Variants in MOB3B observed in about 807,000 individuals in gnomAD.
MOB3B encodes the protein MOB kinase activator-like 2B.
Under a neutral mutation model 18.7 loss-of-function variants are expected in MOB3B, and 7 were observed. That is an observed-to-expected ratio of 0.37 (90% CI 0.21 to 0.70). MOB3B has a LOEUF of 0.70. MOB3B is among the 30% of genes least tolerant of loss of function. MOB3B has a pLI of 0.52. For synonymous variants in MOB3B, 111 were observed against 99.9 expected (o/e 1.11, Z -0.66); for missense variants, 253 against 281.3 (o/e 0.90, Z 0.72).
At chr9:27,376,036 G>A (rs929609982) in intron 2 of MOB3B, among the ~76,000 whole-genome samples, 1 of 152,118 alleles carries the variant, frequency 6.6e-6, no homozygotes, top group African/African-American at 2.4e-5. Flanking sequence ...ATATTTTGTT[G>A]TGTTATCTTC....
At chr9:27,396,075 C>G (rs1370320661) in intron 2 of MOB3B, among the ~76,000 whole-genome samples, 1 of 152,026 alleles carries the variant, frequency 6.6e-6, no homozygotes, top group Non-Finnish European at 1.5e-5. Context: ...GGGGAGGGCT[C>G]TAAAAATGCT....
intron 2 of MOB3B, among the ~76,000 whole-genome samples, chr9:27,445,632 G>A (rs536900164): frequency 1.2e-4 from 19 of 152,226 alleles, no homozygotes; most frequent in Admixed American, 7.2e-4. Flanking sequence ...GCCATAATAG[G>A]TAAGTCCGCA....
At chr9:27,459,559 T>C (rs575075628) in intron 1 of MOB3B, among the ~76,000 whole-genome samples, 1 of 152,286 alleles carries the variant, frequency 6.6e-6, no homozygotes, top group African/African-American at 2.4e-5. Context: ...CAAACTTCCA[T>C]TTATTGTTTT....
At position 27,325,939 on chromosome 9, in the gene MOB3B, T is replaced by C. The variant is rs1397870182; in HGVS notation, c.*4648A>G. On this transcript the variant is annotated 3_prime_UTR_variant, in exon 4 of 4. Transcript: ENST00000262244. Reference sequence around the variant, plus strand: ...GCACAAAAAGATAAGTGTAATTCTATTCAAGTCCCTTAATGTTTTGCCAAT... The same window carrying C: ...GCACAAAAAGATAAGTGTAATTCTACTCAAGTCCCTTAATGTTTTGCCAAT... 6.6e-6 allele frequency: 1 copy of C among 151,332 alleles called. No homozygotes were observed. Among genetic ancestry groups the C allele is most frequent in the African/African-American group, 2.4e-5 (1 of 41,208 alleles). 9.4% of individuals were successfully genotyped at this position (151,332 alleles called of 1,614,324 possible).
intron 2 of MOB3B, among the ~76,000 whole-genome samples, chr9:27,393,936 A>T (rs760558481): frequency 6.6e-6 from 1 of 152,212 alleles, no homozygotes; most frequent in Non-Finnish European, 1.5e-5. Flanking sequence ...TTGAACACTC[A>T]TGAGTGTTCA....
intron 1 of MOB3B, among the ~76,000 whole-genome samples, chr9:27,492,478 CGAA>C (rs1563882129): frequency 6.6e-6 from 1 of 152,164 alleles, no homozygotes; most frequent in Non-Finnish European, 1.5e-5. Flanking sequence ...AGTCTGCCAG[CGAA>C]ATGCTGCCCA....
At chr9:27,358,800 A>T in intron 3 of MOB3B, 2 of 720,952 alleles carry the variant, frequency 2.8e-6, no homozygotes, top group South Asian at 1.4e-5. Flanking sequence ...AAACTATTAT[A>T]TTCCCACAAC....
chr9:27,411,931 G>A (rs1241285258), intron 2 of MOB3B, among the ~76,000 whole-genome samples: 1 of 152,022 alleles, frequency 6.6e-6, no homozygotes, highest in Non-Finnish European at 1.5e-5. Context: ...GGGAGGAAGG[G>A]GCATGTGAGA....
chr9:27,406,153 TA>T (rs1231007667), intron 2 of MOB3B, among the ~76,000 whole-genome samples: 4 of 152,210 alleles, frequency 2.6e-5, no homozygotes, highest in Non-Finnish European at 5.9e-5. Flanking sequence ...GTGCAGATGC[TA>T]TGATCTTATA....
chr9:27,423,370 A>C (rs969499990), intron 2 of MOB3B, among the ~76,000 whole-genome samples: 3 of 150,696 alleles, frequency 2.0e-5, no homozygotes, highest in African/African-American at 7.3e-5. Context: ...TGGCCCCCAT[A>C]CATGACTTTT....
chr9:27,481,425 G>C (rs1819647018), intron 1 of MOB3B, among the ~76,000 whole-genome samples: 1 of 151,630 alleles, frequency 6.6e-6, no homozygotes, highest in African/African-American at 2.4e-5. Flanking sequence ...TGTCTCCTCA[G>C]GGTCAGGGAG....
intron 2 of MOB3B, among the ~76,000 whole-genome samples, chr9:27,372,111 T>A (rs764820767): frequency 2.0e-4 from 31 of 152,206 alleles, no homozygotes; most frequent in Admixed American, 6.5e-4. Flanking sequence ...TCAGGGCCCC[T>A]TGGAGAAAAT....
intron 1 of MOB3B, among the ~76,000 whole-genome samples, chr9:27,469,791 C>T (rs1047711483): frequency 6.6e-6 from 1 of 152,066 alleles, no homozygotes; most frequent in Admixed American, 6.6e-5. Context: ...AAAACTTCCC[C>T]CCTCCCTTTT....
intron 3 of MOB3B, among the ~76,000 whole-genome samples, chr9:27,347,519 G>T (rs1162357707): frequency 6.6e-6 from 1 of 152,252 alleles, no homozygotes; most frequent in East Asian, 1.9e-4. Flanking sequence ...GCAGTCTTGG[G>T]GGATGGACTT....
intron 1 of MOB3B, among the ~76,000 whole-genome samples, chr9:27,468,574 C>A (rs1373557150): frequency 6.6e-6 from 1 of 152,144 alleles, no homozygotes; most frequent in Non-Finnish European, 1.5e-5. Context: ...GCCCCAGGAC[C>A]ACATACTGTG....
At chr9:27,419,547 A>T (rs1822208586) in intron 2 of MOB3B, among the ~76,000 whole-genome samples, 2 of 152,202 alleles carry the variant, frequency 1.3e-5, no homozygotes, top group South Asian at 4.1e-4. Flanking sequence ...AGAAACATAA[A>T]GTGGGGAAAG....
intron 2 of MOB3B, among the ~76,000 whole-genome samples, chr9:27,399,679 A>T (rs575529526): frequency 6.6e-6 from 1 of 152,300 alleles, no homozygotes; most frequent in South Asian, 2.1e-4. Flanking sequence ...GGACAGAGTG[A>T]TATAAACTCC....
intron 2 of MOB3B, among the ~76,000 whole-genome samples, chr9:27,453,095 A>G (rs200733102): frequency 6.6e-6 from 1 of 152,226 alleles, no homozygotes; most frequent in South Asian, 2.1e-4. Flanking sequence ...TAATTCTGAT[A>G]TAAACAAAAG....
At chr9:27,333,047 A>G (rs762768690) in intron 3 of MOB3B, among the ~76,000 whole-genome samples, 1 of 152,334 alleles carries the variant, frequency 6.6e-6, no homozygotes, top group Admixed American at 6.5e-5. Flanking sequence ...AATTATAGGT[A>G]CAATGGGCAA....
Sources: gnomAD v4.1 joint callset for allele counts (sites outside exome capture counted in the v4.1 genomes callset) on GRCh38, gnomAD v4.1.1 for gene constraint, MANE v1.5 for transcripts, NCBI Gene and HGNC (gene_info 2026-07-23, HGNC 2026-07-21) for gene names.